Variants in ZC3H14 observed in about 807,000 individuals in gnomAD.
ZC3H14 encodes the protein zinc finger CCCH-type containing 14.
ZC3H14 carries 31 observed loss-of-function variants against 92.4 expected under a neutral mutation model. The ratio of observed to expected loss-of-function variants is 0.34; its 90% confidence interval spans 0.25 to 0.45. The LOEUF is 0.45. Among genes scored for constraint, ZC3H14 ranks in the 20% least tolerant of loss-of-function variants. The pLI is 1.00. For synonymous variants in ZC3H14, 321 were observed against 300.9 expected, an observed-to-expected ratio of 1.07 and a Z score of -0.69; for missense variants, 781 against 897.3, an observed-to-expected ratio of 0.87 and a Z score of 1.66.
At chr14:88,574,634 G>C in intron 6 of ZC3H14, 59 bp from the exon 7 acceptor site, 2 of 1,593,686 alleles carry the variant, frequency 1.3e-6, no homozygotes, top group Non-Finnish European at 1.7e-6. Context: ...GAAACATTTT[G>C]TGGTAGAACT....
At chr14:88,572,529 A>T (rs1265671306) in intron 5 of ZC3H14, 49 bp from the exon 6 acceptor site, 1 of 1,603,412 alleles carries the variant, frequency 6.2e-7, no homozygotes, top group South Asian at 1.1e-5. Flanking sequence ...AGATTTGGTG[A>T]TAATTGCCCT....
At chr14:88,603,481 G>A (rs914781747) in intron 12 of ZC3H14, among the ~76,000 whole-genome samples, 2 of 152,292 alleles carry the variant, frequency 1.3e-5, no homozygotes, top group East Asian at 3.9e-4. Context: ...TTCTTTGAAA[G>A]GAGTTTCTCA....
Position 88,611,015 on chromosome 14 carries a change from C to G in ZC3H14, c.2204+75C>G, listed in dbSNP as rs550417923. The stretch of plus-strand genomic sequence containing the variant: ...AATTTGCAGTTTCTAAATTTATAAG[C>G]ACACAAAATTGGAAACTAGACTGTT... On this transcript the variant is annotated intron_variant, in intron 16 of 16. Coordinates refer to ENST00000251038, the MANE Select transcript of ZC3H14 (RefSeq NM_024824.5). 10 of 1,437,938 alleles carry G rather than the reference C, an allele frequency of 7.0e-6. No homozygotes were observed. In the South Asian group the frequency reaches 1.2e-4, roughly 17 times the overall value. 89.1% of individuals were successfully genotyped at this position (1,437,938 alleles called of 1,614,324 possible).
At chr14:88,594,539 A>AACT in intron 9 of ZC3H14, 1 of 1,435,296 alleles carries the variant, frequency 7.0e-7, no homozygotes, top group East Asian at 2.5e-5. Context: ...CTGACTCTAG[A>AACT]AATGTACAAC....
intron 15 of ZC3H14, among the ~76,000 whole-genome samples, chr14:88,610,176 A>G (rs2086337294): frequency 6.6e-6 from 1 of 152,178 alleles, no homozygotes; most frequent in Non-Finnish European, 1.5e-5. Flanking sequence ...ACTTGTACTG[A>G]TGATGGTTGA....
intron 2 of ZC3H14, among the ~76,000 whole-genome samples, chr14:88,566,455 A>G (rs909367498): frequency 6.6e-6 from 1 of 152,146 alleles, no homozygotes; most frequent in Admixed American, 6.6e-5. Context: ...TTGGAAGACT[A>G]ACAGATGAGA....
At position 88,603,009 on chromosome 14, in the gene ZC3H14, T is replaced by C; in HGVS notation, c.1696T>C (p.Leu566=). Reference sequence around the variant, plus strand: ...CAGAGGTCTCCTCCACCCACAGCAGTTGCACTTGCTGAGCAGGCAGCTTGA... The same window carrying C: ...CAGAGGTCTCCTCCACCCACAGCAGCTGCACTTGCTGAGCAGGCAGCTTGA... ...GLRGLLHPQQ[L]HLLSRQLEDP... Residue 566 remains leucine (L), a synonymous_variant, in exon 12 of 17, where the codon TTG becomes CTG. Coordinates refer to ENST00000251038, the MANE Select transcript of ZC3H14 (RefSeq NM_024824.5). 3 of 1,614,194 alleles carry C rather than the reference T, an allele frequency of 1.9e-6. No homozygotes were observed. Among genetic ancestry groups the C allele is most frequent in the South Asian group, 2.2e-5 (2 of 91,084 alleles).
intron 9 of ZC3H14, 61 bp downstream of exon 9, chr14:88,578,201 T>G: frequency 6.3e-7 from 1 of 1,578,950 alleles, no homozygotes; most frequent in Non-Finnish European, 8.7e-7. Flanking sequence ...ATTGAATATT[T>G]TCCAATGGAT....
intron 12 of ZC3H14, among the ~76,000 whole-genome samples, chr14:88,603,383 G>T (rs2084909756): frequency 6.6e-6 from 1 of 152,152 alleles, no homozygotes. Context: ...AAACTGTACT[G>T]CCACTTTGCC....
rs76643886 is a variant in ZC3H14 at position 88,581,947 on chromosome 14, C to T, written c.1279+3807C>T. 4.7e-4 allele frequency among the ~76,000 whole-genome samples: 72 copies of T among 152,282 alleles called. No homozygotes were observed. The East Asian group carries it at 0.012, about 26-fold the overall frequency. ...ATTTATGCTGTCTTTTCTGTGAGAA[C>T]GATACCACTGGGTAACCCCATAGGA... is the stretch of plus-strand genomic sequence containing the variant. On this transcript the variant is annotated intron_variant, in intron 9 of 16. Transcript: ENST00000251038.
Position 88,620,924 on chromosome 14 carries a change from C to T in ZC3H14, c.*9173C>T. ...GTCCCAAATTCACTTTGTTTAACAT[C>T]TTCTGCATTTAAAAAAAAAAAAAAA... is the stretch of plus-strand genomic sequence containing the variant. On this transcript the variant is annotated 3_prime_UTR_variant, in exon 17 of 17. Transcript: ENST00000251038. This position sits in a 1 kb window ranked among gnomAD's most constrained non-coding sequence, Gnocchi z 4.3. The T allele has an allele frequency of 6.9e-7, 1 of 1,450,636 alleles. No homozygotes were observed. Among genetic ancestry groups the T allele is most frequent in the Non-Finnish European group, 9.1e-7 (1 of 1,104,078 alleles). 89.9% of individuals were successfully genotyped at this position (1,450,636 alleles called of 1,614,324 possible). A position where few individuals can be genotyped will look rare whatever the true frequency, so the allele number is the denominator to read the frequency against.
rs1303546672 is a variant in ZC3H14, at chr14:88,572,182, A to G, written c.388A>G (p.Arg130Gly). Residue 130 changes from arginine (R) to glycine (G), a missense_variant, in exon 5 of 17, where the codon AGA becomes GGA. Coordinates refer to ENST00000251038, the MANE Select transcript of ZC3H14 (RefSeq NM_024824.5). ...PSARPEKRDS[R>G]VSTSSQESKT... is the part of the protein sequence containing the mutation. ...CGCGAGACCTGAAAAAAGAGATTCC[A>G]GAGTTTCTACAAGTTCGCAGGAGTC... 1.2e-6 allele frequency: 2 copies of G among 1,614,204 alleles called. No homozygotes were observed. Among genetic ancestry groups the G allele is most frequent in the Non-Finnish European group, 1.7e-6 (2 of 1,180,030 alleles).
At chr14:88,611,322 A>G (rs1431954155) in intron 16 of ZC3H14, among the ~76,000 whole-genome samples, 1 of 152,046 alleles carries the variant, frequency 6.6e-6, no homozygotes, top group Non-Finnish European at 1.5e-5. Context: ...TGAACTCCTG[A>G]GCTGAAGCGA....
At position 88,616,966 on chromosome 14, in the gene ZC3H14, A is replaced by G; in HGVS notation, c.*5215A>G. ...AAAAGTTTCTTGGCAATTAATCTCT[A>G]AGTACCCTATCATGTTACTTAAAAT... On this transcript the variant is annotated 3_prime_UTR_variant, in exon 17 of 17. Transcript: ENST00000251038. 7.9e-7 allele frequency: 1 copy of G among 1,270,950 alleles called. No individual in the cohort carries two copies. 78.7% of individuals were successfully genotyped at this position (1,270,950 alleles called of 1,614,324 possible).
In ZC3H14 at chr14:88,620,754, C is replaced by A; in HGVS notation, c.*9003C>A. The A allele has an allele frequency of 6.3e-7, 1 of 1,582,740 alleles. No homozygotes were observed. Among genetic ancestry groups the A allele is most frequent in the Non-Finnish European group, 8.6e-7 (1 of 1,169,186 alleles). ...AACTCTATTCCATTTGTTCACTAACCTGATATCATGGATTGCACATCTCCT... is the reference window on the plus strand; with the variant it reads ...AACTCTATTCCATTTGTTCACTAACATGATATCATGGATTGCACATCTCCT... On this transcript the variant is annotated 3_prime_UTR_variant, in exon 17 of 17. Transcript: ENST00000251038. This position sits in a 1 kb window ranked among gnomAD's most constrained non-coding sequence, Gnocchi z 4.3.
chr14:88,611,885 T>C lies in ZC3H14; in HGVS notation c.*134T>C. 8.0e-7 allele frequency: 1 copy of C among 1,256,140 alleles called. No individual in the cohort carries two copies. Among genetic ancestry groups the C allele is most frequent in the East Asian group, 2.4e-5 (1 of 41,286 alleles). The allele number at this position is 1,256,140 out of a possible 1,614,324, so 77.8% of individuals were successfully genotyped here. On this transcript the variant is annotated 3_prime_UTR_variant, in exon 17 of 17. Coordinates refer to ENST00000251038, the MANE Select transcript of ZC3H14 (RefSeq NM_024824.5). ...TCATAATATGAAGTTTTATTGCCTA[T>C]CTATCTGAAGTGTCTAATTTTTCAA...
rs2089687667 is a variant in ZC3H14 at position 88,624,885 on chromosome 14, G to C, written c.*13134G>C. On this transcript the variant is annotated 3_prime_UTR_variant, in exon 17 of 17. Coordinates refer to ENST00000251038, the MANE Select transcript of ZC3H14 (RefSeq NM_024824.5). ...AAGGTCGGAGAGGACACTCTGTGTAGCCTAGAAACAACTAGAATAATTAAC... is the reference window on the plus strand; with the variant it reads ...AAGGTCGGAGAGGACACTCTGTGTACCCTAGAAACAACTAGAATAATTAAC... The C allele has an allele frequency of 6.7e-7, 1 of 1,486,692 alleles. No individual in the cohort carries two copies. Among genetic ancestry groups the C allele is most frequent in the Non-Finnish European group, 9.1e-7 (1 of 1,096,088 alleles). The allele number at this position is 1,486,692 out of a possible 1,614,324, so 92.1% of individuals were successfully genotyped here.
rs1279867656 is a variant in ZC3H14 at position 88,613,861 on chromosome 14, GCCTAT to G, written c.*2112_*2116del. On this transcript the variant is annotated 3_prime_UTR_variant, in exon 17 of 17. Coordinates refer to ENST00000251038, the MANE Select transcript of ZC3H14 (RefSeq NM_024824.5). ...GTAAACATAGGGCAGATTCTATATG[GCCTAT>G]CATGTTTCTTCACCTTCCCCTCGTT... The G allele has an allele frequency of 6.6e-6, 1 of 152,160 alleles. No individual in the cohort carries two copies. Among genetic ancestry groups the G allele is most frequent in the Non-Finnish European group, 1.5e-5 (1 of 68,030 alleles). 9.4% of individuals were successfully genotyped at this position (152,160 alleles called of 1,614,324 possible). A position where few individuals can be genotyped will look rare whatever the true frequency, so the allele number is the denominator to read the frequency against.
intron 6 of ZC3H14, 22 bp downstream of exon 6, chr14:88,573,029 C>T (rs751955754): frequency 1.2e-6 from 2 of 1,612,318 alleles, no homozygotes; most frequent in Non-Finnish European, 1.7e-6. Context: ...CTTTTAAATT[C>T]TGGCTTAGGC....
Sources: allele counts gnomAD v4.1 joint callset (sites outside exome capture counted in the v4.1 genomes callset), GRCh38; gene constraint gnomAD v4.1.1; non-coding constraint Gnocchi (gnomAD v3.1); transcripts MANE v1.5; gene names NCBI Gene and HGNC (gene_info 2026-07-23, HGNC 2026-07-21).